The following TIGD1 variants were observed in gnomAD, a reference collection of about 807,000 sequenced individuals.
The protein encoded by TIGD1 is tigger transposable element derived 1.
Under a neutral mutation model 21.3 loss-of-function variants are expected in TIGD1, and 20 were observed. That is an observed-to-expected ratio of 0.94 (90% CI 0.66 to 1.36). TIGD1 has a LOEUF of 1.36. TIGD1 is among the 40% of genes most tolerant of loss of function. The pLI is 0.00. For synonymous variants in TIGD1, 177 were observed against 123.2 expected, an observed-to-expected ratio of 1.44 and a Z score of -2.89; for missense variants, 556 against 350.5, an observed-to-expected ratio of 1.59 and a Z score of -4.68.
rs1360677246 is a variant in TIGD1 at position 232,547,991 on chromosome 2, T to C, written c.*116A>G. 6.6e-6 allele frequency: 3 copies of C among 453,350 alleles called. No homozygotes were observed. Among genetic ancestry groups the C allele is most frequent in the African/African-American group, 6.1e-5 (3 of 49,178 alleles). 28.1% of individuals were successfully genotyped at this position (453,350 alleles called of 1,614,324 possible). A position where few individuals can be genotyped will look rare whatever the true frequency, so the allele number is the denominator to read the frequency against. The stretch of plus-strand genomic sequence containing the variant: ...TGAATGTTTTTGGTTTCCCAATGCA[T>C]ATAAAAGTTATGTTTACACTATACT... On this transcript the variant is annotated 3_prime_UTR_variant, in exon 1 of 1. Transcript: ENST00000408957.
chr2:232,548,057 A>C lies in TIGD1; in HGVS notation c.*50T>G. On this transcript the variant is annotated 3_prime_UTR_variant, in exon 1 of 1. Transcript: ENST00000408957. The stretch of plus-strand genomic sequence containing the variant: ...TGCAATAGCATTGTCTAATAAAACA[A>C]TATACATACCTAAATTTAAAAATAC... 1 of 582,462 alleles carries C rather than the reference A, an allele frequency of 1.7e-6. No individual in the cohort carries two copies. The highest frequency in any genetic ancestry group is 3.0e-6 in the Non-Finnish European group (1 of 333,940). The allele number at this position is 582,462 out of a possible 1,614,324, so 36.1% of individuals were successfully genotyped here.
chr2:232,545,828 C>T lies in TIGD1; in HGVS notation c.*2279G>A, dbSNP rs1692122764. On this transcript the variant is annotated 3_prime_UTR_variant, in exon 1 of 1. Coordinates refer to ENST00000408957, the MANE Select transcript of TIGD1 (RefSeq NM_145702.4). Reference sequence around the variant, plus strand: ...AGTGTGCTCTTTGGGAAGTGCCCTTCAGGACTGTGTGAGCCAAACAGCCCT... The same window carrying T: ...AGTGTGCTCTTTGGGAAGTGCCCTTTAGGACTGTGTGAGCCAAACAGCCCT... 1 of 1,251,532 alleles carries T rather than the reference C, an allele frequency of 8.0e-7. No individual in the cohort carries two copies. Among genetic ancestry groups the T allele is most frequent in the Non-Finnish European group, 1.2e-6 (1 of 865,984 alleles). The allele number at this position is 1,251,532 out of a possible 1,614,324, so 77.5% of individuals were successfully genotyped here.
Position 232,545,548 on chromosome 2 carries a change from TGAG to T in TIGD1, c.*2556_*2558del, listed in dbSNP as rs761724047. Reference sequence around the variant, plus strand: ...CACCTGCCTCCCACCCTCAGGGGAATGAGGAGTGGTTCCTGGTGGGCCGAGTGC... The same window carrying T: ...CACCTGCCTCCCACCCTCAGGGGAATGAGTGGTTCCTGGTGGGCCGAGTGC... On this transcript the variant is annotated 3_prime_UTR_variant, in exon 1 of 1. Coordinates refer to ENST00000408957, the MANE Select transcript of TIGD1 (RefSeq NM_145702.4). 3.7e-6 allele frequency: 6 copies of T among 1,613,476 alleles called. No individual in the cohort carries two copies. Among genetic ancestry groups the T allele is most frequent in the Non-Finnish European group, 4.2e-6 (5 of 1,179,824 alleles).
In TIGD1 at chr2:232,550,164, A is replaced by C. The variant is rs1692250752; in HGVS notation, c.-282T>G. The C allele has an allele frequency of 2.8e-6, 1 of 357,092 alleles. No individual in the cohort carries two copies. Among genetic ancestry groups the C allele is most frequent in the Non-Finnish European group, 5.2e-6 (1 of 190,670 alleles). The allele number at this position is 357,092 out of a possible 1,614,324, so 22.1% of individuals were successfully genotyped here. ...ACCAAAATGTAACACAGAGACACCA[A>C]GTGAGCACATGCTGTTGGAAAAATG... On this transcript the variant is annotated 5_prime_UTR_variant, in exon 1 of 1. Transcript: ENST00000408957.
In TIGD1 at chr2:232,550,509, G is replaced by T; in HGVS notation, c.-627C>A. The T allele has an allele frequency of 1.6e-6, 1 of 612,178 alleles. No individual in the cohort carries two copies. 37.9% of individuals were successfully genotyped at this position (612,178 alleles called of 1,614,324 possible). On this transcript the variant is annotated 5_prime_UTR_variant, in exon 1 of 1. Coordinates refer to ENST00000408957, the MANE Select transcript of TIGD1 (RefSeq NM_145702.4). ...GCGGGTCACAAGGACCTGGACAGAG[G>T]CAGAACTGAGGCCAGCAGCCAGCTC...
In TIGD1 at chr2:232,545,375, T is replaced by C. The variant is rs1446659149; in HGVS notation, c.*2732A>G. On this transcript the variant is annotated 3_prime_UTR_variant, in exon 1 of 1. Transcript: ENST00000408957. ...AAGGAACAGGGGCAGGGGGGGCACC[T>C]CAGGGCCAGGGGGCCATGGAATTAG... Among the ~76,000 whole-genome samples the C allele has an allele frequency of 2.0e-5, 3 of 150,490 alleles. No homozygotes were observed. Among genetic ancestry groups the C allele is most frequent in the Non-Finnish European group, 4.4e-5 (3 of 67,798 alleles).
At position 232,545,091 on chromosome 2, in the gene TIGD1, G is replaced by GT. The variant is rs1314048310; in HGVS notation, c.*3015dup. On this transcript the variant is annotated 3_prime_UTR_variant, in exon 1 of 1. Transcript: ENST00000408957. ...GCGAGTGGATCACCTGAGGTCAGGAGTTTGAGACCAGCCTGGCCAACATGG... is the reference window on the plus strand; with the variant it reads ...GCGAGTGGATCACCTGAGGTCAGGAGTTTTGAGACCAGCCTGGCCAACATGG... Among the ~76,000 whole-genome samples, 4 of 152,120 alleles carry GT rather than the reference G, an allele frequency of 2.6e-5. No homozygotes were observed. The highest frequency in any genetic ancestry group is 9.7e-5 in the African/African-American group (4 of 41,422).
chr2:232,549,934 G>C lies in TIGD1; in HGVS notation c.-52C>G. The C allele has an allele frequency of 9.5e-7, 1 of 1,049,004 alleles. No individual in the cohort carries two copies. 65.0% of individuals were successfully genotyped at this position (1,049,004 alleles called of 1,614,324 possible). On this transcript the variant is annotated 5_prime_UTR_variant, in exon 1 of 1. Transcript: ENST00000408957. ...CAATATTGTTGTGTCTCAGGGAATA[G>C]GGAGGCCCAAGAAGAGGGAGAGAGA...
In TIGD1 at chr2:232,546,182, G is replaced by T; in HGVS notation, c.*1925C>A. 4.4e-6 allele frequency: 1 copy of T among 227,646 alleles called. No homozygotes were observed. The highest frequency in any genetic ancestry group is 8.9e-6 in the Non-Finnish European group (1 of 112,608). 14.1% of individuals were successfully genotyped at this position (227,646 alleles called of 1,614,324 possible). On this transcript the variant is annotated 3_prime_UTR_variant, in exon 1 of 1. Coordinates refer to ENST00000408957, the MANE Select transcript of TIGD1 (RefSeq NM_145702.4). ...AGCAGGGCAGCAGCCCATACCAGCT[G>T]GCATCTCCCCCCCGTGCCTTCTGGG... is the stretch of plus-strand genomic sequence containing the variant.
chr2:232,550,412 C>G lies in TIGD1; in HGVS notation c.-530G>C. On this transcript the variant is annotated 5_prime_UTR_variant, in exon 1 of 1. Coordinates refer to ENST00000408957, the MANE Select transcript of TIGD1 (RefSeq NM_145702.4). ...GCAGCGAGTCCAGAGCCCGCGCCGT[C>G]AACGACGCGGTGCTGCCTTTTTTCC... The G allele has an allele frequency of 2.0e-6, 1 of 498,226 alleles. No homozygotes were observed. The highest frequency in any genetic ancestry group is 3.6e-6 in the Non-Finnish European group (1 of 275,400). 30.9% of individuals were successfully genotyped at this position (498,226 alleles called of 1,614,324 possible).
At position 232,544,934 on chromosome 2, in the gene TIGD1, G is replaced by C. The variant is rs761377920; in HGVS notation, c.*3173C>G. ...TGAGTCAGGGTGGGGTGGAGGTGGA[G>C]TGAGTACCTGGGCTTGGAACCGTGA... On this transcript the variant is annotated 3_prime_UTR_variant, in exon 1 of 1. Coordinates refer to ENST00000408957, the MANE Select transcript of TIGD1 (RefSeq NM_145702.4). The C allele has an allele frequency of 6.2e-7, 1 of 1,613,440 alleles. No individual in the cohort carries two copies. Among genetic ancestry groups the C allele is most frequent in the South Asian group, 1.1e-5 (1 of 91,050 alleles).
In TIGD1 at chr2:232,544,538, TGGCAGCGGCAAGGGCTGGTGGC is replaced by T. The variant is rs1246064798; in HGVS notation, c.*3547_*3568del. 6.2e-7 allele frequency: 1 copy of T among 1,613,610 alleles called. No homozygotes were observed. The highest frequency in any genetic ancestry group is 8.5e-7 in the Non-Finnish European group (1 of 1,180,002). On this transcript the variant is annotated 3_prime_UTR_variant, in exon 1 of 1. Transcript: ENST00000408957. ...TCGCAGTGAACTCCTCTTCCAGCAG[TGGCAGCGGCAAGGGCTGGTGGC>T]GGCAGCGCTGGAGAAGCTAGGTGAG... is the stretch of plus-strand genomic sequence containing the variant.
In TIGD1 at chr2:232,550,014, G is replaced by A. The variant is rs1692247210; in HGVS notation, c.-132C>T. 7.6e-6 allele frequency: 4 copies of A among 527,420 alleles called. No homozygotes were observed. The highest frequency in any genetic ancestry group is 7.9e-5 in the Admixed American group (2 of 25,260). 32.7% of individuals were successfully genotyped at this position (527,420 alleles called of 1,614,324 possible). ...GAACACACACAACATTAAGTTCCAC[G>A]TCTTATAAAAGACGCTGTATGTGGC... On this transcript the variant is annotated 5_prime_UTR_variant, in exon 1 of 1. It adds an upstream start codon to the 5' untranslated region. Transcript: ENST00000408957.
Position 232,545,568 on chromosome 2 carries a change from G to A in TIGD1, c.*2539C>T. ...GGGAATGAGGAGTGGTTCCTGGTGG[G>A]CCGAGTGCTGGACCGCGTCTGCTTC... is the stretch of plus-strand genomic sequence containing the variant. On this transcript the variant is annotated 3_prime_UTR_variant, in exon 1 of 1. Transcript: ENST00000408957. The A allele has an allele frequency of 6.2e-7, 1 of 1,613,910 alleles. No individual in the cohort carries two copies.
rs1692171334 is a variant in TIGD1 at position 232,548,329 on chromosome 2, A to G, written c.1554T>C (p.Thr518=). The G allele has an allele frequency of 7.0e-7, 1 of 1,433,516 alleles. No individual in the cohort carries two copies. The highest frequency in any genetic ancestry group is 1.4e-5 in the African/African-American group (1 of 71,114). The allele number at this position is 1,433,516 out of a possible 1,614,324, so 88.8% of individuals were successfully genotyped here. A position where few individuals can be genotyped will look rare whatever the true frequency, so the allele number is the denominator to read the frequency against. Residue 518 remains threonine (T), a synonymous_variant, in exon 1 of 1, where the codon ACT becomes ACC. Transcript: ENST00000408957. ...TGCTGTTTGATAGCATTTTGCCCACAGTAGAGCTTCTTTCAAAATTGGAGT... is the reference window on the plus strand; with the variant it reads ...TGCTGTTTGATAGCATTTTGCCCACGGTAGAGCTTCTTTCAAAATTGGAGT... ...RIDSNFERSS[T]VGKMLSNSIA...
Position 232,549,038 on chromosome 2 carries a change from G to A in TIGD1, c.845C>T (p.Pro282Leu), listed in dbSNP as rs1001881845. ...FTAWFTEYFK[P>L]TVETYCSEKK... ...TTCTGAGCAGTAGGTCTCAACAGTG[G>A]GTTTAAAATATTCAGTAAACCACGC... Residue 282 changes from proline (P) to leucine (L), a missense_variant, in exon 1 of 1, where the codon CCC becomes CTC. By Grantham distance (98) the Pro-to-Leu change is moderately conservative. Coordinates refer to ENST00000408957, the MANE Select transcript of TIGD1 (RefSeq NM_145702.4). 10 of 709,104 alleles carry A rather than the reference G, an allele frequency of 1.4e-5. No homozygotes were observed. Among genetic ancestry groups the A allele is most frequent in the Non-Finnish European group, 2.1e-5 (8 of 383,052 alleles). The allele number at this position is 709,104 out of a possible 1,614,324, so 43.9% of individuals were successfully genotyped here. A position where few individuals can be genotyped will look rare whatever the true frequency, so the allele number is the denominator to read the frequency against.
Position 232,547,873 on chromosome 2 carries a change from G to A in TIGD1, c.*234C>T. 1 of 383,376 alleles carries A rather than the reference G, an allele frequency of 2.6e-6. No individual in the cohort carries two copies. Among genetic ancestry groups the A allele is most frequent in the South Asian group, 1.2e-4 (1 of 8,684 alleles). 23.7% of individuals were successfully genotyped at this position (383,376 alleles called of 1,614,324 possible). ...CCATTACTATAAGTTACTGTCTCAT[G>A]GGATCCATACAGCAACCTAAGGAGG... On this transcript the variant is annotated 3_prime_UTR_variant, in exon 1 of 1. Transcript: ENST00000408957.
In TIGD1 at chr2:232,545,723, C is replaced by G; in HGVS notation, c.*2384G>C. The G allele has an allele frequency of 1.2e-6, 2 of 1,613,940 alleles. No individual in the cohort carries two copies. The highest frequency in any genetic ancestry group is 1.7e-6 in the Non-Finnish European group (2 of 1,179,864). ...CCTGCCCTCACCAGACTGAGCCAAC[C>G]AACCACTGTGGGGCATGTGGGAGTC... On this transcript the variant is annotated 3_prime_UTR_variant, in exon 1 of 1. Transcript: ENST00000408957.
rs1692152908 is a variant in TIGD1, at chr2:232,547,464, C to T, written c.*643G>A. On this transcript the variant is annotated 3_prime_UTR_variant, in exon 1 of 1. Transcript: ENST00000408957. Reference sequence around the variant, plus strand: ...AACTGAAAAAAGAAAAGTGAAAGTGCCACATAAAGGCCTGACGACAGGATA... The same window carrying T: ...AACTGAAAAAAGAAAAGTGAAAGTGTCACATAAAGGCCTGACGACAGGATA... Among the ~76,000 whole-genome samples, 1 of 152,056 alleles carries T rather than the reference C, an allele frequency of 6.6e-6. No individual in the cohort carries two copies. Among genetic ancestry groups the T allele is most frequent in the East Asian group, 1.9e-4 (1 of 5,194 alleles).
Sources: gnomAD v4.1 joint callset for allele counts (sites outside exome capture counted in the v4.1 genomes callset) on GRCh38, gnomAD v4.1.1 for gene constraint, MANE v1.5 for transcripts, NCBI Gene and HGNC (gene_info 2026-07-23, HGNC 2026-07-21) for gene names.